Variants in NLRP2 observed in about 807,000 individuals in gnomAD.
NLRP2 encodes NLR family pyrin domain containing 2.
Under a neutral mutation model 97.2 loss-of-function variants are expected in NLRP2, and 107 were observed. The observed-to-expected ratio is 1.10, with a 90% confidence interval of 0.94 to 1.29. The LOEUF (loss-of-function observed/expected upper bound fraction) is 1.29. Ranked by LOEUF, NLRP2 falls within the 50% of genes most tolerant of loss-of-function variation. The pLI, the probability that NLRP2 is intolerant of heterozygous loss-of-function variation, is 0.00. For synonymous variants in NLRP2, 663 were observed against 551.5 expected, an observed-to-expected ratio of 1.20 and a Z score of -2.83; for missense variants, 1,495 against 1,330.3, an observed-to-expected ratio of 1.12 and a Z score of -1.93.
chr19:54,982,265 C>G lies in NLRP2; in HGVS notation c.567C>G (p.Tyr189Ter), dbSNP rs372036860. 16 of 1,613,942 alleles carry G rather than the reference C, an allele frequency of 9.9e-6. No individual in the cohort carries two copies. The highest frequency in any genetic ancestry group is 1.4e-5 in the Non-Finnish European group (16 of 1,179,998). The change falls in exon 6 of 13, where the codon TAC (tyrosine) becomes TAG (stop). Residue 189 changes from tyrosine to a stop codon, truncating the protein, a stop_gained. Transcript: ENST00000448584. LOFTEE classifies it high-confidence loss of function. ...AGGTCCAGGTTATGGCTGAGAGATACAAGATGCTGATCCCATTCAGCAACC... is the reference window on the plus strand; with the variant it reads ...AGGTCCAGGTTATGGCTGAGAGATAGAAGATGCTGATCCCATTCAGCAACC... ...SKEVQVMAER[Y>*]KMLIPFSNPR...
rs1308341815 is a variant in NLRP2 at position 54,982,341 on chromosome 19, G to A, written c.643G>A (p.Ala215Thr). Reference sequence around the variant, plus strand: ...ATACACGGTGGTGCTGTATGGTCCTGCAGGCCTTGGGAAAACCACGCTGGC... The same window carrying A: ...ATACACGGTGGTGCTGTATGGTCCTACAGGCCTTGGGAAAACCACGCTGGC... ...FSYTVVLYGP[A>T]GLGKTTLAQK... Residue 215 changes from alanine to threonine, a missense_variant, in exon 6 of 13, where the codon GCA becomes ACA. Ala to Thr is a moderately conservative substitution (Grantham distance 58). Transcript: ENST00000448584. The A allele has an allele frequency of 6.2e-7, 1 of 1,614,066 alleles. No individual in the cohort carries two copies.
rs1245926227 is a variant in NLRP2 at position 54,985,218 on chromosome 19, G to A, written c.2201+1G>A. 6 of 1,613,618 alleles carry A rather than the reference G, an allele frequency of 3.7e-6. No individual in the cohort carries two copies. The highest frequency in any genetic ancestry group is 4.5e-5 in the East Asian group (2 of 44,884). ...ACACCTGTCATCTCCAGAGAGTGGT[G>A]TAAGTAGAAACTAATTCATGAACTC... On this transcript the variant is annotated splice_donor_variant, in intron 7 of 12. Transcript: ENST00000448584. LOFTEE classifies it high-confidence loss of function.
At position 54,978,845 on chromosome 19, in the gene NLRP2, T is replaced by TA. The variant is rs78482875; in HGVS notation, c.397+1040dup. On this transcript the variant is annotated intron_variant, in intron 4 of 12. Coordinates refer to ENST00000448584, the MANE Select transcript of NLRP2 (RefSeq NM_017852.5). ...CTGGCAACAGTGCGAGACTCCATCT[T>TA]AAAAAAAAAAAAAAAAAATTGACAG... Among the ~76,000 whole-genome samples, 1,356 of 136,316 alleles carry TA rather than the reference T, an allele frequency of 9.9e-3. 6 individuals are homozygous for TA. Among genetic ancestry groups the TA allele is most frequent in the African/African-American group, 0.018 (679 of 37,594 alleles). The allele number at this position is 136,316 out of a possible 152,430, so 89.4% of individuals were successfully genotyped here.
chr19:54,973,071 G>C (rs1440933846), intron 2 of NLRP2, among the ~76,000 whole-genome samples: 15 of 151,858 alleles, frequency 9.9e-5, no homozygotes, highest in Non-Finnish European at 1.5e-5. Context: ...CACTCCTGTA[G>C]TCCCAGCTAC....
At chr19:54,968,640 AAAGT>A (rs1422806904) in intron 1 of NLRP2, among the ~76,000 whole-genome samples, 3 of 150,718 alleles carry the variant, frequency 2.0e-5, no homozygotes, top group Non-Finnish European at 2.9e-5. Flanking sequence ...CAGCTTCAGT[AAAGT>A]AAAAGCCACA....
chr19:54,973,316 T>C (rs1291869866), intron 2 of NLRP2, among the ~76,000 whole-genome samples: 1 of 151,670 alleles, frequency 6.6e-6, no homozygotes, highest in African/African-American at 2.4e-5. Context: ...TTTAGCATAA[T>C]GTTTCCTGTC....
At chr19:54,972,410 T>C (rs1300068632) in intron 2 of NLRP2, among the ~76,000 whole-genome samples, 5 of 151,876 alleles carry the variant, frequency 3.3e-5, no homozygotes, top group Non-Finnish European at 7.4e-5. Flanking sequence ...CTTGAACTCC[T>C]GACCACGTGA....
chr19:54,986,410 T>C (rs2072091595), intron 8 of NLRP2, 95 bp downstream of exon 8: 2 of 1,160,198 alleles, frequency 1.7e-6, no homozygotes, highest in African/African-American at 1.5e-5. Flanking sequence ...AAGTTCGTTA[T>C]TCTGACTAGA....
chr19:54,990,299 A>C, intron 9 of NLRP2, 107 bp downstream of exon 9: 1 of 1,244,832 alleles, frequency 8.0e-7, no homozygotes, highest in South Asian at 1.2e-5. Flanking sequence ...TGATGTGAAC[A>C]CCTGTTCCCA....
chr19:54,984,485 C>CTTTTT lies in NLRP2; in HGVS notation c.2031-551_2031-547dup, dbSNP rs36061621. On this transcript the variant is annotated intron_variant, in intron 6 of 12. Coordinates refer to ENST00000448584, the MANE Select transcript of NLRP2 (RefSeq NM_017852.5). ...ATGTATAGATATGTATATTCCCAATCTTTTTTTTTTTTTTTGAGACGGAGT... is the reference window on the plus strand; with the variant it reads ...ATGTATAGATATGTATATTCCCAATCTTTTTTTTTTTTTTTTTTTTGAGACGGAGT... 5.3e-4 allele frequency among the ~76,000 whole-genome samples: 41 copies of CTTTTT among 76,924 alleles called. 6 individuals are homozygous for CTTTTT. The highest frequency in any genetic ancestry group is 1.8e-3 in the African/African-American group (24 of 13,240). 50.5% of individuals were successfully genotyped at this position (76,924 alleles called of 152,430 possible). A position where few individuals can be genotyped will look rare whatever the true frequency, so the allele number is the denominator to read the frequency against.
At chr19:54,994,698 C>T (rs1009670657) in intron 11 of NLRP2, among the ~76,000 whole-genome samples, 13 of 151,750 alleles carry the variant, frequency 8.6e-5, no homozygotes, top group African/African-American at 3.1e-4. Flanking sequence ...GCAACCTCCG[C>T]CTCCCAGGTT....
At position 54,976,723 on chromosome 19, in the gene NLRP2, C is replaced by T. The variant is rs74696130; in HGVS notation, c.326-1029C>T. 5.0e-3 allele frequency: 2,060 copies of T among 409,934 alleles called. 36 individuals are homozygous for T. The highest frequency in any genetic ancestry group is 0.04 in the African/African-American group (1,863 of 46,562). The allele number at this position is 409,934 out of a possible 1,614,324, so 25.4% of individuals were successfully genotyped here. A position where few individuals can be genotyped will look rare whatever the true frequency, so the allele number is the denominator to read the frequency against. On this transcript the variant is annotated intron_variant, in intron 3 of 12. Transcript: ENST00000448584. ...TGCCCGTGTCCAGTTCCCTCCCCAG[C>T]ATCTTTTCAGGAGTTCCATGGACTC... is the stretch of plus-strand genomic sequence containing the variant.
At chr19:54,967,746 G>A (rs1410086946) in intron 1 of NLRP2, among the ~76,000 whole-genome samples, 1 of 151,968 alleles carries the variant, frequency 6.6e-6, no homozygotes, top group East Asian at 1.9e-4. Flanking sequence ...TTAACAAGAA[G>A]GTATTGTTTT....
intron 8 of NLRP2, 22 bp downstream of exon 8, chr19:54,986,337 A>T: frequency 6.2e-7 from 1 of 1,605,414 alleles, no homozygotes; most frequent in Non-Finnish European, 8.5e-7. Context: ...AATCATTAAA[A>T]TCCTTCATCA....
chr19:54,987,610 C>T (rs540669599), intron 8 of NLRP2, among the ~76,000 whole-genome samples: 62 of 152,068 alleles, frequency 4.1e-4, no homozygotes, highest in Middle Eastern at 3.4e-3. Context: ...GGCATGTTGG[C>T]GCACGCCTGT....
At chr19:54,986,727 A>G (rs1277339011) in intron 8 of NLRP2, among the ~76,000 whole-genome samples, 3 of 151,518 alleles carry the variant, frequency 2.0e-5, no homozygotes, top group Non-Finnish European at 4.4e-5. Flanking sequence ...ATTTTTGTGC[A>G]TTTAGTGGAG....
chr19:54,983,641 G>GA lies in NLRP2; in HGVS notation c.1946dup (p.Asn649LysfsTer22). 1 of 1,614,112 alleles carries GA rather than the reference G, an allele frequency of 6.2e-7. No homozygotes were observed. The highest frequency in any genetic ancestry group is 2.2e-5 in the East Asian group (1 of 44,888). On this transcript the variant is annotated frameshift_variant, in exon 6 of 13. Transcript: ENST00000448584. LOFTEE classifies it high-confidence loss of function. ...TCTTCATTCTGCGTCAAGCACTGTC[G>GA]AAACCTGCAGAAAATGTCACTGCAG...
Position 54,974,527 on chromosome 19 carries a change from G to A in NLRP2, c.308G>A (p.Arg103Lys), listed in dbSNP as rs527789643. Residue 103 changes from arginine (R) to lysine (K), a missense_variant, in exon 3 of 13, where the codon AGG (arginine) becomes AAG (lysine). Physicochemically the swap from Arg to Lys is conservative, Grantham distance 26. Coordinates refer to ENST00000448584, the MANE Select transcript of NLRP2 (RefSeq NM_017852.5). ...GCAGCTTTGAAATCCTTTAATAAAA[G>A]GAAGCCTCTATCATTAGGTAAGTTA... is the stretch of plus-strand genomic sequence containing the variant. Reference protein sequence around the residue: ...REAALKSFNKRKPLSLGITRK... With the variant: ...REAALKSFNKKKPLSLGITRK... 2.5e-6 allele frequency: 4 copies of A among 1,610,482 alleles called. No individual in the cohort carries two copies. The East Asian group carries it at 6.7e-5, about 27-fold the overall frequency.
At chr19:54,977,861 G>A (rs567116746) in intron 4 of NLRP2, 38 bp downstream of exon 4, 1 of 1,583,074 alleles carries the variant, frequency 6.3e-7, no homozygotes, top group African/African-American at 1.3e-5. Flanking sequence ...GTCAGCTGAG[G>A]AAGCCCCCCG....
Sources: allele counts gnomAD v4.1 joint callset (sites outside exome capture counted in the v4.1 genomes callset), GRCh38; gene constraint gnomAD v4.1.1; transcripts MANE v1.5; gene names NCBI Gene and HGNC (gene_info 2026-07-23, HGNC 2026-07-21).